The following GPHN variants were observed in gnomAD, a reference collection of about 807,000 sequenced individuals.
The protein encoded by GPHN is gephyrin.
A neutral mutation model predicts 95.5 loss-of-function variants in GPHN; 17 were observed. The observed-to-expected ratio is 0.18, with a 90% confidence interval of 0.12 to 0.27. The LOEUF (loss-of-function observed/expected upper bound fraction) is 0.27, where lower values mean the gene tolerates loss of function less well. Among genes scored for constraint, GPHN ranks in the 10% least tolerant of loss-of-function variants. The pLI is 1.00. For synonymous variants in GPHN, 320 were observed against 322.5 expected, an observed-to-expected ratio of 0.99 and a Z score of 0.08; for missense variants, 660 against 978.1, an observed-to-expected ratio of 0.67 and a Z score of 4.34.
intron 1 of GPHN, among the ~76,000 whole-genome samples, chr14:66,615,157 T>A (rs1269459261): frequency 6.6e-6 from 1 of 152,208 alleles, no homozygotes; most frequent in Non-Finnish European, 1.5e-5. Context: ...TTGTAAATAG[T>A]GCTGCAATAA....
At chr14:66,773,228 C>T (rs937237589) in intron 2 of GPHN, among the ~76,000 whole-genome samples, 120 of 152,042 alleles carry the variant, frequency 7.9e-4, no homozygotes, top group African/African-American at 2.8e-3. Context: ...GTGCTTTTCA[C>T]AGGCTGAAGG....
the GPHN span, among the ~76,000 whole-genome samples, chr14:67,529,365 T>A: frequency 3.9e-5 from 6 of 152,166 alleles, no homozygotes; most frequent in African/African-American, 1.4e-4. Flanking sequence ...GCATGTCTAG[T>A]TCTAAAGCCT....
chr14:66,901,011 G>A (rs559823794), intron 5 of GPHN, among the ~76,000 whole-genome samples: 5 of 152,044 alleles, frequency 3.3e-5, no homozygotes, highest in African/African-American at 7.2e-5. Flanking sequence ...CACCAACAGC[G>A]TACAAATGTT....
intron 3 of GPHN, among the ~76,000 whole-genome samples, chr14:66,779,378 G>A (rs2059522116): frequency 6.6e-6 from 1 of 151,914 alleles, no homozygotes; most frequent in Non-Finnish European, 1.5e-5. Context: ...GTTGTTAAAG[G>A]GTTGGAAAAG....
At chr14:66,980,775 G>A (rs1468923860) in intron 9 of GPHN, among the ~76,000 whole-genome samples, 1 of 152,166 alleles carries the variant, frequency 6.6e-6, no homozygotes, top group Non-Finnish European at 1.5e-5. Context: ...TCCTGGCTGG[G>A]TGCAGTGGCT....
intron 14 of GPHN, 132 bp from the exon 15 acceptor site, chr14:67,111,729 T>A (rs1445625425): frequency 4.0e-6 from 3 of 742,906 alleles, no homozygotes; most frequent in Non-Finnish European, 7.2e-6. Flanking sequence ...TTTCAAAGGG[T>A]GTAGCAAATA....
At chr14:67,027,993 G>A (rs1194536367) in intron 10 of GPHN, among the ~76,000 whole-genome samples, 2 of 152,072 alleles carry the variant, frequency 1.3e-5, no homozygotes, top group African/African-American at 4.8e-5. Flanking sequence ...CTATATAACT[G>A]TATGTTTGTA....
At chr14:67,122,470 A>T in intron 17 of GPHN, 93 bp downstream of exon 17, 1 of 1,065,180 alleles carries the variant, frequency 9.4e-7, no homozygotes, top group Non-Finnish European at 1.4e-6. Context: ...AAGAGACAGA[A>T]ATTTAATGTC....
At chr14:67,564,092 G>T in the GPHN span, among the ~76,000 whole-genome samples, 2 of 151,656 alleles carry the variant, frequency 1.3e-5, no homozygotes, top group African/African-American at 2.4e-5. Flanking sequence ...TAGTAGAGAC[G>T]GGGTTTCACC....
In GPHN at chr14:66,587,992, G is replaced by A. The variant is rs540796798; in HGVS notation, c.64+79401G>A. The stretch of plus-strand genomic sequence containing the variant: ...CAGACACCTCATACAGGAGAGCTCC[G>A]GGTGGCATCTGCCAGGTGCCCCTCT... On this transcript the variant is annotated intron_variant, in intron 1 of 22. Transcript: ENST00000478722. Among the ~76,000 whole-genome samples, 6 of 152,214 alleles carry A rather than the reference G, an allele frequency of 3.9e-5. No individual in the cohort carries two copies. In the South Asian group the frequency reaches 1.2e-3, roughly 32 times the overall value.
At chr14:66,653,006 G>A (rs1197448673) in intron 1 of GPHN, among the ~76,000 whole-genome samples, 3 of 152,148 alleles carry the variant, frequency 2.0e-5, no homozygotes, top group South Asian at 2.1e-4. Flanking sequence ...AGCTGTCTGG[G>A]GGTCATGGGA....
chr14:67,586,167 C>T, the GPHN span: 2 of 1,544,488 alleles, frequency 1.3e-6, no homozygotes, highest in South Asian at 1.1e-5. Context: ...AGAAAGGAAA[C>T]TGGGGTTATG....
intron 8 of GPHN, among the ~76,000 whole-genome samples, chr14:66,929,101 G>GCTAGAGTA (rs2066644527): frequency 6.9e-6 from 1 of 145,550 alleles, no homozygotes; most frequent in African/African-American, 2.6e-5. Context: ...TGTTGCCCAA[G>GCTAGAGTA]CTAGAGTACA....
At chr14:66,816,872 A>G (rs1282568517) in intron 3 of GPHN, among the ~76,000 whole-genome samples, 2 of 152,136 alleles carry the variant, frequency 1.3e-5, no homozygotes, top group Non-Finnish European at 2.9e-5. Flanking sequence ...GGCTCCAGAT[A>G]GATACAGAGA....
chr14:67,077,275 T>C (rs981495351), intron 11 of GPHN, among the ~76,000 whole-genome samples: 1 of 152,170 alleles, frequency 6.6e-6, no homozygotes, highest in African/African-American at 2.4e-5. Context: ...AACACTTTGT[T>C]ATAAAATAGG....
chr14:66,996,368 C>T, intron 9 of GPHN: 1 of 624,750 alleles, frequency 1.6e-6, no homozygotes, highest in Non-Finnish European at 2.8e-6. Context: ...GAAAATTCAC[C>T]TGTTTTAGGG....
chr14:67,628,737 T>G, the GPHN span, among the ~76,000 whole-genome samples: 1 of 152,154 alleles, frequency 6.6e-6, no homozygotes. Context: ...TAAGAAGTGT[T>G]GATGAAGATG....
chr14:66,978,570 A>G (rs1215733945), intron 9 of GPHN, among the ~76,000 whole-genome samples: 1 of 152,170 alleles, frequency 6.6e-6, no homozygotes, highest in Non-Finnish European at 1.5e-5. Context: ...TTCAGTCGCA[A>G]CTTCAGGCTC....
At chr14:67,424,889 C>T in the GPHN span, among the ~76,000 whole-genome samples, 3 of 152,176 alleles carry the variant, frequency 2.0e-5, no homozygotes, top group Non-Finnish European at 4.4e-5. Context: ...TCAATCAGAG[C>T]AGACCCAGTT....
Sources: gnomAD v4.1 joint callset for allele counts (sites outside exome capture counted in the v4.1 genomes callset) on GRCh38, gnomAD v4.1.1 for gene constraint, MANE v1.5 for transcripts, NCBI Gene and HGNC (gene_info 2026-07-23, HGNC 2026-07-21) for gene names.